The following IST1 variants were observed in gnomAD, a reference collection of about 807,000 sequenced individuals.
IST1 encodes the protein IST1 factor associated with ESCRT-III.
IST1 carries 23 observed loss-of-function variants against 37.0 expected under a neutral mutation model. The observed-to-expected ratio is 0.62, with a 90% CI of 0.45 to 0.88. IST1 has a LOEUF of 0.88. Among genes scored for constraint, IST1 ranks in the 40% least tolerant of loss-of-function variants. The pLI is 0.00. For synonymous variants in IST1, 180 were observed against 161.7 expected (o/e 1.11, Z -0.86); for missense variants, 488 against 445.4 (o/e 1.10, Z -0.86).
chr16:71,929,365 ATTG>A lies in IST1; in HGVS notation c.*1555_*1557del, dbSNP rs1370389938. On this transcript the variant is annotated 3_prime_UTR_variant, in exon 10 of 10. Coordinates refer to ENST00000378799, the MANE Select transcript of IST1 (RefSeq NM_001270975.2). ...CTAGTTTGTCTCGTAGTATTCTTGC[ATTG>A]TTAATCCTATCTTGACAGTGCCAAG... The A allele has an allele frequency of 1.7e-6, 1 of 601,996 alleles. No homozygotes were observed. Among genetic ancestry groups the A allele is most frequent in the African/African-American group, 1.9e-5 (1 of 53,562 alleles). 37.3% of individuals were successfully genotyped at this position (601,996 alleles called of 1,614,324 possible).
chr16:71,918,777 A>G (rs370792157), intron 4 of IST1, among the ~76,000 whole-genome samples: 5 of 152,346 alleles, frequency 3.3e-5, no homozygotes, highest in African/African-American at 1.2e-4. Flanking sequence ...ATATGTTACA[A>G]AACTCAAAAG....
chr16:71,901,990 A>G, intron 1 of IST1, among the ~76,000 whole-genome samples: 1 of 152,228 alleles, frequency 6.6e-6, no homozygotes, highest in South Asian at 2.1e-4. Context: ...CATAAAACAC[A>G]CAAAAGAGGC....
rs994035958 is a variant in IST1 at position 71,896,060 on chromosome 16, C to T, written c.-16+471C>T. On this transcript the variant is annotated intron_variant, in intron 1 of 9. Transcript: ENST00000378799. ...CCGCTTCCACCGGGCGGGGTGGCCTCCTGGGCTTGTTCCTGGGTTGGGGGA... is the reference window on the plus strand; with the variant it reads ...CCGCTTCCACCGGGCGGGGTGGCCTTCTGGGCTTGTTCCTGGGTTGGGGGA... Among the ~76,000 whole-genome samples, 6 of 152,208 alleles carry T rather than the reference C, an allele frequency of 3.9e-5. No homozygotes were observed. The East Asian group carries it at 7.7e-4, about 20-fold the overall frequency.
upstream of IST1, chr16:71,894,851 A>C: frequency 6.5e-7 from 1 of 1,533,750 alleles, no homozygotes; most frequent in Non-Finnish European, 8.7e-7. Context: ...TTCAAGTTAA[A>C]AACAAAGGTA....
At chr16:71,908,791 C>T (rs2037285606) in intron 1 of IST1, among the ~76,000 whole-genome samples, 1 of 152,166 alleles carries the variant, frequency 6.6e-6, no homozygotes, top group Non-Finnish European at 1.5e-5. Flanking sequence ...TTTCAGCCTG[C>T]TGTGCATCCA....
At chr16:71,906,315 T>C (rs2037222870) in intron 1 of IST1, among the ~76,000 whole-genome samples, 2 of 151,552 alleles carry the variant, frequency 1.3e-5, no homozygotes, top group Non-Finnish European at 2.9e-5. Flanking sequence ...TTTGTTTTGT[T>C]TTGTTTTTTG....
intron 1 of IST1, among the ~76,000 whole-genome samples, chr16:71,914,147 T>G (rs2037418954): frequency 6.7e-6 from 1 of 149,704 alleles, no homozygotes. Flanking sequence ...GAATACAGGT[T>G]CATTTGAGGA....
At chr16:71,899,475 A>G (rs2037052898) in intron 1 of IST1, among the ~76,000 whole-genome samples, 2 of 152,242 alleles carry the variant, frequency 1.3e-5, no homozygotes, top group Admixed American at 6.5e-5. Context: ...AATGTGTCCT[A>G]GCACCTCATT....
chr16:71,921,288 A>C lies in IST1; in HGVS notation c.442-55A>C, dbSNP rs1201046754. 4 of 1,022,412 alleles carry C rather than the reference A, an allele frequency of 3.9e-6. No homozygotes were observed. In the East Asian group the frequency reaches 7.1e-5, roughly 18 times the overall value. 63.3% of individuals were successfully genotyped at this position (1,022,412 alleles called of 1,614,324 possible). The stretch of plus-strand genomic sequence containing the variant: ...GGAGCTAACTTCGCATAGTGAGGTG[A>C]GGATTAGGCTGGTTGGTATACATGC... On this transcript the variant is annotated intron_variant, in intron 5 of 9. Coordinates refer to ENST00000378799, the MANE Select transcript of IST1 (RefSeq NM_001270975.2).
chr16:71,920,669 G>A, intron 4 of IST1, 70 bp from the exon 5 acceptor site: 2 of 1,096,154 alleles, frequency 1.8e-6, no homozygotes, highest in Middle Eastern at 2.1e-4. Flanking sequence ...GTTTACTGTT[G>A]CCAGGAAGAA....
At position 71,929,691 on chromosome 16, in the gene IST1, G is replaced by A; in HGVS notation, c.*1878G>A. The stretch of plus-strand genomic sequence containing the variant: ...GTGCAGCTTCTTTCTGAGTATTGAA[G>A]ACAAAAAGAGAAAAGTGAGAAAATT... On this transcript the variant is annotated 3_prime_UTR_variant, in exon 10 of 10. Transcript: ENST00000378799. The A allele has an allele frequency of 1.3e-6, 2 of 1,518,376 alleles. No individual in the cohort carries two copies. Among genetic ancestry groups the A allele is most frequent in the South Asian group, 1.3e-5 (1 of 78,428 alleles). 94.1% of individuals were successfully genotyped at this position (1,518,376 alleles called of 1,614,324 possible).
chr16:71,914,285 A>C (rs1304013771), intron 1 of IST1, among the ~76,000 whole-genome samples: 1 of 150,304 alleles, frequency 6.7e-6, no homozygotes, highest in Non-Finnish European at 1.5e-5. Context: ...CAGTCTCCCG[A>C]GTAGCTGGGA....
At chr16:71,900,623 A>C (rs983929843) in intron 1 of IST1, among the ~76,000 whole-genome samples, 11 of 151,648 alleles carry the variant, frequency 7.3e-5, no homozygotes, top group African/African-American at 2.7e-4. Context: ...CTGCTGATCC[A>C]TGTGTGACAC....
At chr16:71,898,553 G>A (rs1274863848) in intron 1 of IST1, among the ~76,000 whole-genome samples, 2 of 150,938 alleles carry the variant, frequency 1.3e-5, no homozygotes, top group Non-Finnish European at 3.0e-5. Context: ...GCATGGTGGC[G>A]GGCGCCTGTA....
chr16:71,929,585 T>G lies in IST1; in HGVS notation c.*1772T>G. The G allele has an allele frequency of 1.9e-6, 3 of 1,551,832 alleles. No homozygotes were observed. Reference sequence around the variant, plus strand: ...TCAGTGTCACTGCCCACTGCTGTCGTGGCTGCTTGCTCAGATGAGGTTTTT... The same window carrying G: ...TCAGTGTCACTGCCCACTGCTGTCGGGGCTGCTTGCTCAGATGAGGTTTTT... On this transcript the variant is annotated 3_prime_UTR_variant, in exon 10 of 10. Transcript: ENST00000378799.
chr16:71,927,781 C>T lies in IST1; in HGVS notation c.1069C>T (p.Arg357Trp), dbSNP rs761963776. Residue 357 changes from arginine to tryptophan, a missense_variant, in exon 10 of 10, where the codon CGG becomes TGG. Transcript: ENST00000378799. Reference sequence around the variant, plus strand: ...AGACATTGACTTTGATGATCTTTCCCGGAGGTTTGAAGAGCTGAAAAAGAA... The same window carrying T: ...AGACATTGACTTTGATGATCTTTCCTGGAGGTTTGAAGAGCTGAAAAAGAA... ...SEDIDFDDLS[R>W]RFEELKKKT 1.4e-5 allele frequency: 22 copies of T among 1,613,930 alleles called. No individual in the cohort carries two copies. Among genetic ancestry groups the T allele is most frequent in the South Asian group, 3.3e-5 (3 of 91,076 alleles).
intron 1 of IST1, among the ~76,000 whole-genome samples, chr16:71,912,111 T>A (rs1027642390): frequency 6.6e-6 from 1 of 152,186 alleles, no homozygotes; most frequent in Non-Finnish European, 1.5e-5. Flanking sequence ...TGATCAAGTT[T>A]AGAATAATCT....
chr16:71,923,705 A>G (rs1290920314), intron 8 of IST1, among the ~76,000 whole-genome samples: 2 of 152,194 alleles, frequency 1.3e-5, no homozygotes, highest in African/African-American at 4.8e-5. Context: ...CTGAGCTGAT[A>G]CAATCGTGGT....
chr16:71,923,470 G>C, intron 8 of IST1, 90 bp downstream of exon 8: 2 of 775,740 alleles, frequency 2.6e-6, no homozygotes, highest in Non-Finnish European at 4.4e-6. Context: ...GCAGAGTTTT[G>C]ATCAACTCCT....
Sources: allele counts gnomAD v4.1 joint callset (sites outside exome capture counted in the v4.1 genomes callset), GRCh38; gene constraint gnomAD v4.1.1; transcripts MANE v1.5; gene names NCBI Gene and HGNC (gene_info 2026-07-23, HGNC 2026-07-21).